Variants in ADNP observed in about 807,000 individuals in gnomAD.
ADNP encodes activity-dependent neuroprotector homeobox protein.
A neutral mutation model predicts 84.9 loss-of-function variants in ADNP; 4 were observed. The ratio of observed to expected loss-of-function variants is 0.05; its 90% CI spans 0.02 to 0.11. The LOEUF is 0.11. ADNP is among the 10% of genes least tolerant of loss of function. ADNP has a pLI of 1.00. For missense variants in ADNP, 1,132 were observed against 1,326.0 expected (o/e 0.85, Z 2.27); for synonymous variants, 554 against 468.1 (o/e 1.18, Z -2.37).
Position 50,893,107 on chromosome 20 carries a change from A to T in ADNP, c.1607T>A (p.Ile536Asn), listed in dbSNP as rs746830005. Residue 536 changes from isoleucine to asparagine, a missense_variant, in exon 6 of 6, where the codon ATT (isoleucine) becomes AAT (asparagine). Transcript: ENST00000621696. The surrounding 1 kb of genome is among the most constrained non-coding windows in gnomAD (Gnocchi z 4.4). ...TGTTTTAGGTCCCATCTCTTCATCA[A>T]TGTGAACCATCCGCATGTGTGCGGC... is the stretch of plus-strand genomic sequence containing the variant. ...KMAAHMRMVHIDEEMGPKTDS... is the reference protein window; with the variant it reads ...KMAAHMRMVHNDEEMGPKTDS... 1 of 1,614,140 alleles carries T rather than the reference A, an allele frequency of 6.2e-7. No homozygotes were observed. The highest frequency in any genetic ancestry group is 8.5e-7 in the Non-Finnish European group (1 of 1,180,052).
At chr20:50,922,296 C>G (rs964466168) in intron 2 of ADNP, among the ~76,000 whole-genome samples, 1 of 152,114 alleles carries the variant, frequency 6.6e-6, no homozygotes, top group African/African-American at 2.4e-5. Flanking sequence ...GGCTCAGTCC[C>G]CAAAACTGCT....
intron 2 of ADNP, among the ~76,000 whole-genome samples, chr20:50,911,261 G>A (rs990202488): frequency 2.0e-5 from 3 of 152,148 alleles, no homozygotes; most frequent in Admixed American, 6.5e-5. Context: ...TGCTTTTGAG[G>A]TCTTAGTCAT....
rs1312816305 is a variant in ADNP, at chr20:50,893,604, A to C, written c.1110T>G (p.Leu370=). 29 of 1,614,038 alleles carry C rather than the reference A, an allele frequency of 1.8e-5. No homozygotes were observed. The highest frequency in any genetic ancestry group is 2.3e-5 in the Non-Finnish European group (27 of 1,180,038). ...CATAAGACCTTCCGTTTCCACTTGG[A>C]AGTAACTGCTTTACAGACTGAGATT... ...PQQSQSVKQL[L]PSGNGRSYGL... is the part of the protein sequence containing the mutation. The change falls in exon 6 of 6, where the codon CTT becomes CTG. Residue 370 remains leucine, a synonymous_variant. Transcript: ENST00000621696. This position sits in a 1 kb window ranked among gnomAD's most constrained non-coding sequence, Gnocchi z 4.4.
rs114837067 is a variant in ADNP, at chr20:50,919,801, A to C, written c.-90+8850T>G. Among the ~76,000 whole-genome samples the C allele has an allele frequency of 6.7e-3, 1,013 of 152,242 alleles. 6 individuals carry two copies. Among genetic ancestry groups the C allele is most frequent in the African/African-American group, 0.019 (786 of 41,536 alleles). On this transcript the variant is annotated intron_variant, in intron 2 of 5. Coordinates refer to ENST00000621696, the MANE Select transcript of ADNP (RefSeq NM_001282531.3). ...AGGAACTTCTTGCTCAACTCCACTGAGTCAGAATGGTTGCTATGTCAAGCT... is the reference window on the plus strand; with the variant it reads ...AGGAACTTCTTGCTCAACTCCACTGCGTCAGAATGGTTGCTATGTCAAGCT...
intron 5 of ADNP, among the ~76,000 whole-genome samples, 180 bp downstream of exon 5, chr20:50,901,836 CA>C (rs1982015316): frequency 6.6e-6 from 1 of 152,036 alleles, no homozygotes; most frequent in African/African-American, 2.4e-5. Context: ...AGTCCAATGA[CA>C]AAAAAGGACA....
In ADNP at chr20:50,892,580, G is replaced by C; in HGVS notation, c.2134C>G (p.Leu712Val). ...APSRLNQSPS[L>V]APVKRTYEQM... ...TCGTAAGTGCGCTTCACAGGTGCCA[G>C]ACTTGGAGACTGATTAAGCCGAGAG... The change falls in exon 6 of 6, where the codon CTG becomes GTG. Residue 712 changes from leucine (L) to valine (V), a missense_variant. Leu to Val is a conservative substitution (Grantham distance 32). Transcript: ENST00000621696. 1 of 1,614,234 alleles carries C rather than the reference G, an allele frequency of 6.2e-7. No homozygotes were observed. The highest frequency in any genetic ancestry group is 8.5e-7 in the Non-Finnish European group (1 of 1,180,052).
rs1360123887 is a variant in ADNP at position 50,891,537 on chromosome 20, G to T, written c.3177C>A (p.Asn1059Lys). The T allele has an allele frequency of 6.2e-7, 1 of 1,611,966 alleles. No homozygotes were observed. The highest frequency in any genetic ancestry group is 1.1e-5 in the South Asian group (1 of 91,090). ...TGCTATTCTGCCACTCAATCTGGGG[G>T]TTAGATAAGCGCTCATCATTCTCAG... The part of the protein sequence containing the change: ...NASENDERLS[N>K]PQIEWQNSTI... The change falls in exon 6 of 6, where the codon AAC becomes AAA. Residue 1059 changes from asparagine to lysine, a missense_variant. Physicochemically the swap from Asn to Lys is moderately conservative, Grantham distance 94. This residue lies in a region of ADNP where 381 missense variants were observed against 319.9 expected (regional missense o/e 1.19). Transcript: ENST00000621696.
At chr20:50,919,313 A>ATATG (rs1983770833) in intron 2 of ADNP, among the ~76,000 whole-genome samples, 1 of 146,794 alleles carries the variant, frequency 6.8e-6, no homozygotes, top group Admixed American at 6.8e-5. Flanking sequence ...ATATATATAT[A>ATATG]TATGTAAAAA....
chr20:50,905,859 T>G (rs936708038), intron 2 of ADNP, among the ~76,000 whole-genome samples: 1 of 152,244 alleles, frequency 6.6e-6, no homozygotes, highest in South Asian at 2.1e-4. Context: ...TAAATTGTTT[T>G]AAACCATCTT....
rs571855144 is a variant in ADNP, at chr20:50,929,842, CT to C, written c.-265+983del. Among the ~76,000 whole-genome samples the C allele has an allele frequency of 1.6e-3, 251 of 152,212 alleles. 2 individuals carry two copies. The highest frequency in any genetic ancestry group is 2.8e-3 in the Non-Finnish European group (192 of 68,014). On this transcript the variant is annotated intron_variant, in intron 1 of 5. Transcript: ENST00000621696. ...ACAGAAACAGTTTGGTTCTTTTTCCCTCCTAAGCCTTTGTCTGTGAAATGGG... is the reference window on the plus strand; with the variant it reads ...ACAGAAACAGTTTGGTTCTTTTTCCCCCTAAGCCTTTGTCTGTGAAATGGG...
Position 50,892,987 on chromosome 20 carries a change from G to A in ADNP, c.1727C>T (p.Ala576Val). 3 of 1,614,228 alleles carry A rather than the reference G, an allele frequency of 1.9e-6. No homozygotes were observed. The highest frequency in any genetic ancestry group is 2.5e-6 in the Non-Finnish European group (3 of 1,180,040). ...VTTYNLRDAP[A>V]ESVAYHAQNN... ...TTGGGCATGGTAAGCAACAGATTCA[G>A]CTGGGGCATCCCTCAGATTGTATGT... The change falls in exon 6 of 6, where the codon GCT (alanine) becomes GTT (valine). Residue 576 changes from alanine (A) to valine (V), a missense_variant. By Grantham distance (64) the Ala-to-Val change is moderately conservative. Around this residue, in one of 10 missense-constraint regions of ADNP, gnomAD observed 87 missense variants for 181.4 expected, o/e 0.48. Transcript: ENST00000621696.
At chr20:50,917,329 T>G (rs1336168508) in intron 2 of ADNP, among the ~76,000 whole-genome samples, 2 of 152,182 alleles carry the variant, frequency 1.3e-5, no homozygotes, top group African/African-American at 4.8e-5. Context: ...GTCAGATGAT[T>G]CCATCACATC....
Position 50,891,901 on chromosome 20 carries a change from G to C in ADNP, c.2813C>G (p.Thr938Ser). The change falls in exon 6 of 6, where the codon ACT (threonine) becomes AGT (serine). Residue 938 changes from threonine to serine, a missense_variant. By Grantham distance (58) the Thr-to-Ser change is moderately conservative. This residue lies in a region of ADNP where 381 missense variants were observed against 319.9 expected (regional missense o/e 1.19). Transcript: ENST00000621696. ...GGTTGGTTCCTCAGTCAAATGAATA[G>C]TTTCGTATTTTGAACCATCCTCTTT... is the stretch of plus-strand genomic sequence containing the variant. The part of the protein sequence containing the change: ...DQKEDGSKYE[T>S]IHLTEEPTKL... 1 of 1,614,202 alleles carries C rather than the reference G, an allele frequency of 6.2e-7. No homozygotes were observed. Among genetic ancestry groups the C allele is most frequent in the Non-Finnish European group, 8.5e-7 (1 of 1,180,044 alleles).
intron 2 of ADNP, among the ~76,000 whole-genome samples, chr20:50,924,104 G>C (rs972019705): frequency 6.6e-6 from 1 of 152,088 alleles, no homozygotes; most frequent in Non-Finnish European, 1.5e-5. Flanking sequence ...CTCTTAAATG[G>C]AGCATGAAGG....
At chr20:50,901,177 C>T (rs142227524) in intron 5 of ADNP, among the ~76,000 whole-genome samples, 1 of 152,072 alleles carries the variant, frequency 6.6e-6, no homozygotes, top group Non-Finnish European at 1.5e-5. Context: ...ATGAAATACT[C>T]TGCTTCTCCT....
intron 5 of ADNP, among the ~76,000 whole-genome samples, chr20:50,896,401 C>T (rs1349261916): frequency 6.6e-6 from 1 of 152,066 alleles, no homozygotes; most frequent in African/African-American, 2.4e-5. Context: ...ACCAGCCTGG[C>T]CAACATGGTG....
rs543779786 is a variant in ADNP at position 50,929,127 on chromosome 20, AG to A, written c.-264-303del. Among the ~76,000 whole-genome samples the A allele has an allele frequency of 3.1e-3, 479 of 152,340 alleles. 4 individuals carry two copies. The highest frequency in any genetic ancestry group is 0.011 in the African/African-American group (451 of 41,574). On this transcript the variant is annotated intron_variant, in intron 1 of 5. Coordinates refer to ENST00000621696, the MANE Select transcript of ADNP (RefSeq NM_001282531.3). ...ATTTTTAACTCTCAAAGAATTGGAA[AG>A]ATTTGGCCTATGAAGAAGGGAGTTA...
At chr20:50,912,090 C>T (rs527714280) in intron 2 of ADNP, among the ~76,000 whole-genome samples, 1 of 152,330 alleles carries the variant, frequency 6.6e-6, no homozygotes, top group East Asian at 1.9e-4. Context: ...CTGAGAGCTA[C>T]ACAAGGATCC....
chr20:50,901,973 T>C (rs1223996080), intron 5 of ADNP, 44 bp downstream of exon 5: 2 of 1,424,978 alleles, frequency 1.4e-6, no homozygotes, highest in Non-Finnish European at 2.0e-6. Context: ...AAAGGGAGTA[T>C]ACCAAGCATG....
Sources: allele counts gnomAD v4.1 joint callset (sites outside exome capture counted in the v4.1 genomes callset), GRCh38; gene constraint gnomAD v4.1.1; regional missense constraint gnomAD v4.1.1; non-coding constraint Gnocchi (gnomAD v3.1); transcripts MANE v1.5; gene names NCBI Gene and HGNC (gene_info 2026-07-23, HGNC 2026-07-21).